SLC2A8: variants seen among roughly 807,000 people sequenced by gnomAD.
SLC2A8 encodes solute carrier family 2 member 8.
Under a neutral mutation model 49.2 loss-of-function variants are expected in SLC2A8, and 53 were observed. The observed-to-expected ratio is 1.08, with a 90% CI of 0.86 to 1.35. The LOEUF (loss-of-function observed/expected upper bound fraction) is 1.35. SLC2A8 is among the 40% of genes most tolerant of loss of function. SLC2A8 has a pLI of 0.00. For missense variants in SLC2A8, 688 were observed against 671.7 expected (o/e 1.02, Z -0.27); for synonymous variants, 299 against 297.0 (o/e 1.01, Z -0.07).
At chr9:127,401,036 A>G (rs945401955) in intron 4 of SLC2A8, among the ~76,000 whole-genome samples, 3 of 152,236 alleles carry the variant, frequency 2.0e-5, no homozygotes, top group African/African-American at 7.2e-5. Flanking sequence ...CTGAGGTTTC[A>G]GTGAGCTGAG....
chr9:127,407,080 G>A (rs1248812519), intron 9 of SLC2A8, 32 bp from the exon 10 acceptor site: 4 of 1,610,586 alleles, frequency 2.5e-6, no homozygotes, highest in South Asian at 1.1e-5. Context: ...ATCTCTCCCC[G>A]CGTCCACCCA....
rs1233040448 is a variant in SLC2A8 at position 127,407,611 on chromosome 9, C to T, written c.*362C>T. 5 of 372,266 alleles carry T rather than the reference C, an allele frequency of 1.3e-5. No individual in the cohort carries two copies. The highest frequency in any genetic ancestry group is 2.8e-5 in the Non-Finnish European group (5 of 180,006). The allele number at this position is 372,266 out of a possible 1,614,324, so 23.1% of individuals were successfully genotyped here. ...TGGGCATTCAGTCGCTCCTCTCACG[C>T]GGCTGCCTTATCGGGAAGGAAATTT... On this transcript the variant is annotated 3_prime_UTR_variant, in exon 10 of 10. Coordinates refer to ENST00000373371, the MANE Select transcript of SLC2A8 (RefSeq NM_014580.5).
intron 9 of SLC2A8, chr9:127,405,914 C>A: frequency 1.8e-6 from 1 of 545,052 alleles, no homozygotes; most frequent in Non-Finnish European, 3.6e-6. Context: ...TACTTCCTTG[C>A]TGTGTGACCT....
In SLC2A8 at chr9:127,404,035, G is replaced by A. The variant is rs1281229843; in HGVS notation, c.944G>A (p.Arg315Lys). Reference sequence around the variant, plus strand: ...GCTGTGGCGGCTCTCATCATGGACAGAGCAGGGCGGAGGCTGCTCCTGGTC... The same window carrying A: ...GCTGTGGCGGCTCTCATCATGGACAAAGCAGGGCGGAGGCTGCTCCTGGTC... ...FTAVAALIMD[R>K]AGRRLLLVLS... The change falls in exon 7 of 10, where the codon AGA becomes AAA. Residue 315 changes from arginine (R) to lysine (K), a missense_variant. Transcript: ENST00000373371. 3 of 1,602,366 alleles carry A rather than the reference G, an allele frequency of 1.9e-6. No individual in the cohort carries two copies. The highest frequency in any genetic ancestry group is 2.7e-5 in the African/African-American group (2 of 74,722).
chr9:127,404,558 G>A, intron 7 of SLC2A8: 1 of 495,456 alleles, frequency 2.0e-6, no homozygotes, highest in Non-Finnish European at 3.6e-6. Flanking sequence ...GGGGCTGAGG[G>A]TTACTCGCTG....
At chr9:127,405,615 A>G (rs1426173867) in intron 9 of SLC2A8, 50 bp downstream of exon 9, 3 of 1,605,220 alleles carry the variant, frequency 1.9e-6, no homozygotes, top group Non-Finnish European at 2.5e-6. Flanking sequence ...GCCGAGAAGC[A>G]CTTTCTAAAA....
intron 5 of SLC2A8, 89 bp from the exon 6 acceptor site, chr9:127,403,571 C>A: frequency 6.5e-7 from 1 of 1,533,796 alleles, no homozygotes; most frequent in Non-Finnish European, 8.9e-7. Context: ...AGTCAGCGCT[C>A]CCCAAGCCTT....
chr9:127,397,757 G>C, intron 2 of SLC2A8, 148 bp from the exon 3 acceptor site: 1 of 1,061,230 alleles, frequency 9.4e-7, no homozygotes, highest in Non-Finnish European at 1.3e-6. Context: ...CCCTCGGGAC[G>C]AGCACCGGGC....
At chr9:127,406,387 G>T (rs902209153) in intron 9 of SLC2A8, among the ~76,000 whole-genome samples, 16 of 152,224 alleles carry the variant, frequency 1.1e-4, no homozygotes, top group Admixed American at 1.0e-3. Flanking sequence ...AGCACATCGA[G>T]GGGGCCAGGC....
In SLC2A8 at chr9:127,402,766, A is replaced by C; in HGVS notation, c.723+13A>C. The C allele has an allele frequency of 6.6e-7, 1 of 1,525,930 alleles. No homozygotes were observed. Among genetic ancestry groups the C allele is most frequent in the Non-Finnish European group, 8.8e-7 (1 of 1,135,722 alleles). 94.5% of individuals were successfully genotyped at this position (1,525,930 alleles called of 1,614,324 possible). On this transcript the variant is annotated intron_variant, in intron 5 of 9. Coordinates refer to ENST00000373371, the MANE Select transcript of SLC2A8 (RefSeq NM_014580.5). ...CGGGGCTGAGCAGGTGAGAGGCTGG[A>C]AGGCAGAGCTGACAGGAGTGGGACA...
At chr9:127,400,164 G>GTTTTTTTTTTTTTTTTTT (rs1564214930) in intron 4 of SLC2A8, among the ~76,000 whole-genome samples, 158 bp downstream of exon 4, 6 of 113,948 alleles carry the variant, frequency 5.3e-5, no homozygotes, top group South Asian at 3.5e-4. Flanking sequence ...GGATAGGTGA[G>GTTTTTTTTTTTTTTTTTT]TCTTTTTTTT....
In SLC2A8 at chr9:127,399,354, C is replaced by T. The variant is rs1291876578; in HGVS notation, c.427-553C>T. Among the ~76,000 whole-genome samples the T allele has an allele frequency of 6.6e-6, 1 of 152,192 alleles. No individual in the cohort carries two copies. Among genetic ancestry groups the T allele is most frequent in the African/African-American group, 2.4e-5 (1 of 41,452 alleles). On this transcript the variant is annotated intron_variant, in intron 3 of 9. Coordinates refer to ENST00000373371, the MANE Select transcript of SLC2A8 (RefSeq NM_014580.5). The surrounding 1 kb of genome is among the most constrained non-coding windows in gnomAD (Gnocchi z 4.2). Reference sequence around the variant, plus strand: ...CTCTGTGCCCACCGCCTCTCGTCATCATATGCAGCCCTCTCCGTTACCCTT... The same window carrying T: ...CTCTGTGCCCACCGCCTCTCGTCATTATATGCAGCCCTCTCCGTTACCCTT...
Position 127,397,473 on chromosome 9 carries a change from C to T in SLC2A8, c.154C>T (p.Pro52Ser). Reference protein sequence around the residue: ...FALGYSSPAIPSLQRAAPPAP... With the variant: ...FALGYSSPAISSLQRAAPPAP... Reference sequence around the variant, plus strand: ...GCTCGGCTACAGCTCCCCGGCCATCCCTAGCCTGCAGCGCGCCGCGCCCCC... The same window carrying T: ...GCTCGGCTACAGCTCCCCGGCCATCTCTAGCCTGCAGCGCGCCGCGCCCCC... Residue 52 changes from proline (P) to serine (S), a missense_variant, in exon 2 of 10, where the codon CCT becomes TCT. Pro to Ser is a moderately conservative substitution (Grantham distance 74). Transcript: ENST00000373371. 6.8e-7 allele frequency: 1 copy of T among 1,481,480 alleles called. No homozygotes were observed. The highest frequency in any genetic ancestry group is 1.3e-5 in the South Asian group (1 of 78,320). 91.8% of individuals were successfully genotyped at this position (1,481,480 alleles called of 1,614,324 possible).
intron 9 of SLC2A8, 117 bp downstream of exon 9, chr9:127,405,682 C>A: frequency 7.4e-7 from 1 of 1,358,366 alleles, no homozygotes; most frequent in Non-Finnish European, 1.0e-6. Flanking sequence ...TGAGCCCCAC[C>A]ATGCCTGGGC....
chr9:127,398,129 C>A lies in SLC2A8; in HGVS notation c.426+18C>A. ...TGGCCCCGGTGAGTGTCCCGTCTCT[C>A]GAGTGTCCTGTCTCGCGGCCTGAGA... On this transcript the variant is annotated intron_variant, in intron 3 of 9. Transcript: ENST00000373371. The A allele has an allele frequency of 6.4e-7, 1 of 1,566,708 alleles. No individual in the cohort carries two copies. Among genetic ancestry groups the A allele is most frequent in the South Asian group, 1.2e-5 (1 of 85,196 alleles).
At chr9:127,404,257 C>T (rs190528984) in intron 7 of SLC2A8, 190 bp downstream of exon 7, 4 of 555,400 alleles carry the variant, frequency 7.2e-6, no homozygotes, top group Non-Finnish European at 1.3e-5. Flanking sequence ...CACTCCCACA[C>T]CACGCCTTTA....
chr9:127,403,599 G>T, intron 5 of SLC2A8, 61 bp from the exon 6 acceptor site: 2 of 1,604,840 alleles, frequency 1.2e-6, no homozygotes. Context: ...TAGACCCCCA[G>T]AGGGGGGCCG....
At chr9:127,402,111 T>G (rs1428370109) in intron 4 of SLC2A8, among the ~76,000 whole-genome samples, 4 of 152,224 alleles carry the variant, frequency 2.6e-5, no homozygotes, top group Non-Finnish European at 5.9e-5. Context: ...AGTGAAAAGC[T>G]TCCTCCGCCT....
chr9:127,397,647 C>CCCG, intron 2 of SLC2A8, 109 bp downstream of exon 2: 1 of 1,316,260 alleles, frequency 7.6e-7, no homozygotes, highest in Non-Finnish European at 9.8e-7. Context: ...GGCATCGGGC[C>CCCG]CCGCCGCCAC....
Sources: allele counts gnomAD v4.1 joint callset (sites outside exome capture counted in the v4.1 genomes callset), GRCh38; gene constraint gnomAD v4.1.1; non-coding constraint Gnocchi (gnomAD v3.1); transcripts MANE v1.5; gene names NCBI Gene and HGNC (gene_info 2026-07-23, HGNC 2026-07-21).